Variants in TMEM108 observed in about 807,000 individuals in gnomAD.
TMEM108 encodes transmembrane protein 108.
Under a neutral mutation model 35.1 loss-of-function variants are expected in TMEM108, and 12 were observed. The ratio of observed to expected loss-of-function variants is 0.34; its 90% CI spans 0.22 to 0.55. The LOEUF (loss-of-function observed/expected upper bound fraction) is 0.55, where lower values mean the gene tolerates loss of function less well. Ranked by LOEUF, TMEM108 falls within the 20% of genes least tolerant of loss-of-function variation. The pLI, the probability that TMEM108 is intolerant of heterozygous loss-of-function variation, is 0.89. For missense variants in TMEM108, 680 were observed against 753.3 expected, an observed-to-expected ratio of 0.90 and a Z score of 1.14; for synonymous variants, 287 against 308.6, an observed-to-expected ratio of 0.93 and a Z score of 0.73.
At chr3:133,094,206 C>T (rs567667346) in intron 2 of TMEM108, among the ~76,000 whole-genome samples, 45 of 141,270 alleles carry the variant, frequency 3.2e-4, no homozygotes, top group African/African-American at 1.1e-3. Context: ...TTTCTTTCTC[C>T]CCTTCCCACC....
At chr3:133,280,872 G>C (rs1410253401) in intron 3 of TMEM108, among the ~76,000 whole-genome samples, 2 of 152,200 alleles carry the variant, frequency 1.3e-5, no homozygotes, top group African/African-American at 4.8e-5. Flanking sequence ...CAGCAGGCTA[G>C]CTCAAACTTA....
At position 133,380,159 on chromosome 3, in the gene TMEM108, A is replaced by G. The variant is rs1040483967; in HGVS notation, c.448A>G (p.Thr150Ala). 1.2e-5 allele frequency: 20 copies of G among 1,612,430 alleles called. No homozygotes were observed. Among genetic ancestry groups the G allele is most frequent in the Non-Finnish European group, 1.7e-5 (20 of 1,179,482 alleles). ...CCTGCTGACAAAGCCACCGGGGGCC[A>G]CCAGCCGCCCCACCACAGCGCCCCC... ...TILLTKPPGA[T>A]SRPTTAPPRT... Residue 150 changes from threonine (T) to alanine (A), a missense_variant, in exon 4 of 6, where the codon ACC (threonine) becomes GCC (alanine). Transcript: ENST00000321871. This position sits in a 1 kb window ranked among gnomAD's most constrained non-coding sequence, Gnocchi z 5.3.
chr3:133,111,944 C>T (rs143739920), intron 2 of TMEM108, among the ~76,000 whole-genome samples: 48 of 152,258 alleles, frequency 3.2e-4, no homozygotes, highest in Middle Eastern at 3.4e-3. Context: ...AGAGAGGTGG[C>T]AGGTCTGTAT....
chr3:133,253,269 A>G (rs1043201804), intron 3 of TMEM108: 1 of 152,194 alleles, frequency 6.6e-6, no homozygotes, highest in Admixed American at 6.5e-5. Context: ...CAGAAAAGAT[A>G]GATTCTAATA....
chr3:133,395,777 A>C, intron 5 of TMEM108, 87 bp from the exon 6 acceptor site: 1 of 1,345,988 alleles, frequency 7.4e-7, no homozygotes, highest in Non-Finnish European at 9.7e-7. Flanking sequence ...GTGCTGAAAT[A>C]AATGTTCCCA....
At chr3:133,162,806 G>C (rs1308913060) in intron 2 of TMEM108, among the ~76,000 whole-genome samples, 1 of 152,236 alleles carries the variant, frequency 6.6e-6, no homozygotes, top group Non-Finnish European at 1.5e-5. Context: ...GGGGATCCCA[G>C]TTATATAATA....
intron 2 of TMEM108, among the ~76,000 whole-genome samples, chr3:133,174,243 G>T (rs151244191): frequency 2.0e-5 from 3 of 152,360 alleles, no homozygotes; most frequent in Admixed American, 2.0e-4. Context: ...TAGACTCCAC[G>T]TCTGGGGACG....
chr3:133,281,217 A>T (rs1459659706), intron 3 of TMEM108, among the ~76,000 whole-genome samples: 1 of 152,212 alleles, frequency 6.6e-6, no homozygotes, highest in East Asian at 1.9e-4. Flanking sequence ...AAAAGAGAGG[A>T]TGGGAATCAG....
At chr3:133,282,676 T>C (rs993884395) in intron 3 of TMEM108, among the ~76,000 whole-genome samples, 10 of 152,228 alleles carry the variant, frequency 6.6e-5, no homozygotes, top group Admixed American at 6.5e-4. Context: ...CATCATAATT[T>C]TATTTCTCCT....
intron 2 of TMEM108, among the ~76,000 whole-genome samples, chr3:133,059,298 CT>C (rs1286015747): frequency 2.0e-5 from 3 of 152,214 alleles, no homozygotes; most frequent in African/African-American, 7.2e-5. Flanking sequence ...TTTACCTTCA[CT>C]TACTTACCAT....
chr3:133,179,595 G>A (rs1368166321), intron 2 of TMEM108, among the ~76,000 whole-genome samples: 1 of 149,896 alleles, frequency 6.7e-6, no homozygotes, highest in African/African-American at 2.4e-5. Flanking sequence ...TCATAGGTGG[G>A]AATTGAACAA....
chr3:133,126,719 G>A (rs1944422099), intron 2 of TMEM108, among the ~76,000 whole-genome samples: 1 of 152,098 alleles, frequency 6.6e-6, no homozygotes, highest in Non-Finnish European at 1.5e-5. Flanking sequence ...ATCCATGGAG[G>A]ATTGGTTCCA....
intron 2 of TMEM108, among the ~76,000 whole-genome samples, chr3:133,157,680 T>C (rs901777177): frequency 6.6e-6 from 1 of 152,182 alleles, no homozygotes; most frequent in Non-Finnish European, 1.5e-5. Context: ...CAAGTTCTCT[T>C]GGAGGGTGCC....
At chr3:133,188,963 C>T (rs1239039000) in intron 2 of TMEM108, among the ~76,000 whole-genome samples, 5 of 152,048 alleles carry the variant, frequency 3.3e-5, no homozygotes, top group South Asian at 2.1e-4. Context: ...TAGTGGATGG[C>T]GCATCATGCA....
chr3:133,100,135 G>A (rs1944068893), intron 2 of TMEM108, among the ~76,000 whole-genome samples: 1 of 152,314 alleles, frequency 6.6e-6, no homozygotes. Context: ...CATGGCAGCG[G>A]CGAGAGAAAA....
chr3:133,234,632 A>G (rs1407269974), intron 3 of TMEM108, among the ~76,000 whole-genome samples: 1 of 152,154 alleles, frequency 6.6e-6, no homozygotes, highest in African/African-American at 2.4e-5. Flanking sequence ...TGACAAACCC[A>G]CAGCCAATAT....
At chr3:133,360,088 C>T (rs907239161) in intron 3 of TMEM108, among the ~76,000 whole-genome samples, 2 of 149,876 alleles carry the variant, frequency 1.3e-5, no homozygotes, top group Admixed American at 6.6e-5. Flanking sequence ...TTGGTGAAAG[C>T]CAGACACAAA....
intron 3 of TMEM108, among the ~76,000 whole-genome samples, 199 bp downstream of exon 3, chr3:133,229,550 T>G (rs1322579280): frequency 6.6e-6 from 1 of 152,138 alleles, no homozygotes; most frequent in Non-Finnish European, 1.5e-5. Context: ...TGCTGGTCAG[T>G]TTTTCCTAAA....
chr3:133,397,745 TATAA>T lies in TMEM108; in HGVS notation c.*1765_*1768del, dbSNP rs1442168213. The T allele has an allele frequency of 6.6e-6, 1 of 152,204 alleles. No individual in the cohort carries two copies. Among genetic ancestry groups the T allele is most frequent in the Non-Finnish European group, 1.5e-5 (1 of 68,040 alleles). 9.4% of individuals were successfully genotyped at this position (152,204 alleles called of 1,614,324 possible). A position where few individuals can be genotyped will look rare whatever the true frequency, so the allele number is the denominator to read the frequency against. ...CCACAGATTTCAGCTACCATGTATA[TATAA>T]ATAAACTTATTTTATTAGCCAGAGG... On this transcript the variant is annotated 3_prime_UTR_variant, in exon 6 of 6. Transcript: ENST00000321871.
Sources: allele counts gnomAD v4.1 joint callset (sites outside exome capture counted in the v4.1 genomes callset), GRCh38; gene constraint gnomAD v4.1.1; non-coding constraint Gnocchi (gnomAD v3.1); transcripts MANE v1.5; gene names NCBI Gene and HGNC (gene_info 2026-07-23, HGNC 2026-07-21).